TAOK1: variants seen among roughly 807,000 people sequenced by gnomAD.
The protein encoded by TAOK1 is TAO kinase 1, also known as serine/threonine-protein kinase TAO1.
In TAOK1, 21 loss-of-function variants were observed where a neutral mutation model predicts 138.3. The ratio of observed to expected loss-of-function variants is 0.15; its 90% CI spans 0.11 to 0.22. The LOEUF is 0.22. TAOK1 is among the 10% of genes least tolerant of loss of function. The pLI is 1.00. For synonymous variants in TAOK1, 361 were observed against 398.4 expected (o/e 0.91, Z 1.12); for missense variants, 651 against 1,227.7 (o/e 0.53, Z 7.02).
intron 1 of TAOK1, among the ~76,000 whole-genome samples, chr17:29,410,894 C>T (rs1405515943): frequency 6.6e-6 from 1 of 151,892 alleles, no homozygotes; most frequent in Non-Finnish European, 1.5e-5. Flanking sequence ...CTTGGCCTCC[C>T]CAAGTGCTGT....
At chr17:29,410,434 G>A (rs530757900) in intron 1 of TAOK1, among the ~76,000 whole-genome samples, 1 of 151,690 alleles carries the variant, frequency 6.6e-6, no homozygotes, top group African/African-American at 2.4e-5. Flanking sequence ...TGTATTTTTA[G>A]CAGAAACGGG....
At chr17:29,519,762 T>C (rs1348262879) in intron 16 of TAOK1, among the ~76,000 whole-genome samples, 2 of 152,224 alleles carry the variant, frequency 1.3e-5, no homozygotes, top group African/African-American at 4.8e-5. Context: ...AAATTGATAT[T>C]GCCCCTTTGG....
chr17:29,425,949 C>T (rs2077244431), intron 1 of TAOK1, among the ~76,000 whole-genome samples: 1 of 152,142 alleles, frequency 6.6e-6, no homozygotes, highest in South Asian at 2.1e-4. Context: ...GGCGCGATCT[C>T]GGCTCACTGC....
At chr17:29,445,402 C>T (rs2030053970) in intron 1 of TAOK1, 1 of 152,296 alleles carries the variant, frequency 6.6e-6, no homozygotes, top group Non-Finnish European at 1.5e-5. Context: ...AGCAAGCACC[C>T]TTTGTGTTAT....
intron 15 of TAOK1, among the ~76,000 whole-genome samples, chr17:29,516,522 G>T (rs2031818843): frequency 8.0e-6 from 1 of 124,552 alleles, no homozygotes; most frequent in South Asian, 2.5e-4. Flanking sequence ...TTTTTTTTGA[G>T]ACTGAGTTTC....
intron 1 of TAOK1, among the ~76,000 whole-genome samples, chr17:29,436,197 A>G (rs866849282): frequency 2.0e-5 from 3 of 152,216 alleles, no homozygotes; most frequent in Admixed American, 1.3e-4. Context: ...ACTCACAGAC[A>G]GTTTTCAAAT....
intron 15 of TAOK1, among the ~76,000 whole-genome samples, chr17:29,517,114 G>A (rs1206835515): frequency 1.3e-5 from 2 of 151,958 alleles, no homozygotes; most frequent in Non-Finnish European, 1.5e-5. Flanking sequence ...AGCCTCCCAA[G>A]TAGCTGGGAC....
At chr17:29,448,345 G>C (rs1297987672) in intron 1 of TAOK1, among the ~76,000 whole-genome samples, 2 of 151,958 alleles carry the variant, frequency 1.3e-5, no homozygotes, top group Non-Finnish European at 2.9e-5. Flanking sequence ...GCCTTTTTTA[G>C]CCATTTAGCA....
intron 1 of TAOK1, among the ~76,000 whole-genome samples, chr17:29,428,841 T>C (rs1905732843): frequency 6.6e-6 from 1 of 151,836 alleles, no homozygotes; most frequent in South Asian, 2.1e-4. Context: ...TTGCCCAGGC[T>C]TGTCTCGAAC....
Position 29,543,038 on chromosome 17 carries a change from T to G in TAOK1, c.*16T>G. Reference sequence around the variant, plus strand: ...TTATACATAACTTAATAATTGAGAGTGGCAATTCCGCTGGAGCTGTCTGCC... The same window carrying G: ...TTATACATAACTTAATAATTGAGAGGGGCAATTCCGCTGGAGCTGTCTGCC... On this transcript the variant is annotated 3_prime_UTR_variant, in exon 20 of 20. Coordinates refer to ENST00000261716, the MANE Select transcript of TAOK1 (RefSeq NM_020791.4). 1 of 1,527,382 alleles carries G rather than the reference T, an allele frequency of 6.5e-7. No homozygotes were observed. The highest frequency in any genetic ancestry group is 8.9e-7 in the Non-Finnish European group (1 of 1,129,870). 94.6% of individuals were successfully genotyped at this position (1,527,382 alleles called of 1,614,324 possible).
intron 4 of TAOK1, 47 bp downstream of exon 4, chr17:29,475,818 T>C: frequency 7.1e-7 from 1 of 1,400,830 alleles, no homozygotes; most frequent in Non-Finnish European, 1.0e-6. Flanking sequence ...GATTTTGGTT[T>C]ATAATGAATT....
intron 15 of TAOK1, chr17:29,513,773 C>T (rs2031765311): frequency 6.6e-6 from 1 of 152,002 alleles, no homozygotes; most frequent in Admixed American, 6.6e-5. Context: ...GAAACACTGT[C>T]TCTACTAAAA....
At chr17:29,526,607 T>A (rs2032013842) in intron 17 of TAOK1, among the ~76,000 whole-genome samples, 1 of 151,708 alleles carries the variant, frequency 6.6e-6, no homozygotes, top group Non-Finnish European at 1.5e-5. Flanking sequence ...AGAGAAGGGA[T>A]TTCACCATAT....
intron 12 of TAOK1, among the ~76,000 whole-genome samples, chr17:29,500,092 T>C (rs2153028444): frequency 6.6e-6 from 1 of 152,178 alleles, no homozygotes; most frequent in South Asian, 2.1e-4. Context: ...GGCGGGCAGA[T>C]TGCTTGAGCC....
At chr17:29,501,757 C>G (rs2031535675) in intron 12 of TAOK1, among the ~76,000 whole-genome samples, 1 of 152,124 alleles carries the variant, frequency 6.6e-6, no homozygotes, top group Non-Finnish European at 1.5e-5. Flanking sequence ...TAGTCATGTG[C>G]CAGGCACAGT....
chr17:29,399,686 G>GCAAAAAGT, intron 1 of TAOK1, among the ~76,000 whole-genome samples: 1 of 152,098 alleles, frequency 6.6e-6, no homozygotes, highest in African/African-American at 2.4e-5. Context: ...AGGTAGCTTA[G>GCAAAAAGT]TAACTTTTTG....
At chr17:29,403,117 T>A (rs1283861692) in intron 1 of TAOK1, among the ~76,000 whole-genome samples, 1 of 127,896 alleles carries the variant, frequency 7.8e-6, no homozygotes, top group African/African-American at 3.0e-5. Flanking sequence ...GCCAAGATTG[T>A]GCCATTGCAC....
Position 29,498,286 on chromosome 17 carries a change from T to A in TAOK1, c.1000-32T>A, listed in dbSNP as rs769990501. 1.8e-5 allele frequency: 29 copies of A among 1,609,728 alleles called. 2 individuals are homozygous for A. In the South Asian group the frequency reaches 3.2e-4, roughly 18 times the overall value. ...CAGAAGAGAGAGATATATATTAATATTTGAACTGAACTGAATGTCCTTTTC... is the reference window on the plus strand; with the variant it reads ...CAGAAGAGAGAGATATATATTAATAATTGAACTGAACTGAATGTCCTTTTC... On this transcript the variant is annotated intron_variant, in intron 11 of 19. Transcript: ENST00000261716.
intron 12 of TAOK1, among the ~76,000 whole-genome samples, 169 bp from the exon 13 acceptor site, chr17:29,502,420 A>C (rs1190596862): frequency 6.6e-6 from 1 of 152,278 alleles, no homozygotes; most frequent in East Asian, 1.9e-4. Flanking sequence ...ACACAGTGAG[A>C]CCCTGTTTCT....
Sources: gnomAD v4.1 joint callset for allele counts (sites outside exome capture counted in the v4.1 genomes callset) on GRCh38, gnomAD v4.1.1 for gene constraint, MANE v1.5 for transcripts, NCBI Gene and HGNC (gene_info 2026-07-23, HGNC 2026-07-21) for gene names.